The following POLQ variants were observed in gnomAD, a reference collection of about 807,000 sequenced individuals.
The protein encoded by POLQ is epididymis secretory sperm binding protein.
A neutral mutation model predicts 259.2 loss-of-function variants in POLQ; 233 were observed. The ratio of observed to expected loss-of-function variants is 0.90; its 90% CI spans 0.81 to 1.00. The LOEUF (loss-of-function observed/expected upper bound fraction) is 1.00, where lower values mean the gene tolerates loss of function less well. Ranked by LOEUF, POLQ falls within the 50% of genes least tolerant of loss-of-function variation. The pLI is 0.00. For missense variants in POLQ, 2,871 were observed against 3,051.6 expected (o/e 0.94, Z 1.39); for synonymous variants, 1,025 against 1,048.8 (o/e 0.98, Z 0.44).
chr3:121,504,760 T>C (rs1013502802), intron 12 of POLQ, among the ~76,000 whole-genome samples: 1 of 152,218 alleles, frequency 6.6e-6, no homozygotes, highest in African/African-American at 2.4e-5. Context: ...TGTAACCCCA[T>C]TGCATCTTGG....
At chr3:121,521,272 T>A (rs2048334540) in intron 8 of POLQ, among the ~76,000 whole-genome samples, 1 of 152,174 alleles carries the variant, frequency 6.6e-6, no homozygotes. Context: ...CTATATAATG[T>A]GACTATATAG....
intron 26 of POLQ, among the ~76,000 whole-genome samples, chr3:121,442,878 G>A (rs1333621254): frequency 6.6e-6 from 1 of 150,718 alleles, no homozygotes; most frequent in Non-Finnish European, 1.5e-5. Flanking sequence ...TTTTGTTTTT[G>A]AGATGGAGTC....
intron 16 of POLQ, 53 bp from the exon 17 acceptor site, chr3:121,485,237 C>G: frequency 8.1e-7 from 1 of 1,236,156 alleles, no homozygotes; most frequent in Non-Finnish European, 1.1e-6. Context: ...AAAGACATTA[C>G]ATAAATTGTT....
chr3:121,509,799 G>T, intron 11 of POLQ, 96 bp from the exon 12 acceptor site: 1 of 1,260,312 alleles, frequency 7.9e-7, no homozygotes, highest in African/African-American at 1.5e-5. Flanking sequence ...AACCCTCCCG[G>T]CTGATAAATT....
rs147121503 is a variant in POLQ, at chr3:121,485,178, G to A, written c.5636C>T (p.Ser1879Leu). 2,139 of 1,584,550 alleles carry A rather than the reference G, an allele frequency of 1.3e-3. 38 individuals are homozygous for A. The South Asian group carries it at 0.015, about 11-fold the overall frequency. The change falls in exon 17 of 30, where the codon TCA (serine) becomes TTA (leucine). Residue 1879 changes from serine to leucine, a missense_variant. Coordinates refer to ENST00000264233, the MANE Select transcript of POLQ (RefSeq NM_199420.4). The stretch of plus-strand genomic sequence containing the variant: ...ATCTCTAATAGGAATTTCCTGAGGT[G>A]AGCTAGCTAAGTAAAACAAAAGTGA... The part of the protein sequence containing the change: ...TIGSRFKQAS[S>L]PQEIPIRDDG...
At chr3:121,523,128 A>C (rs371905185) in intron 7 of POLQ, among the ~76,000 whole-genome samples, 9 of 149,610 alleles carry the variant, frequency 6.0e-5, no homozygotes, top group African/African-American at 2.0e-4. Context: ...CAATCCTCCT[A>C]CCTCAGTCTC....
At position 121,476,876 on chromosome 3, in the gene POLQ, A is replaced by G. The variant is rs186648447; in HGVS notation, c.6212-143T>C. ...TTCAGGAGCCAGTCTCCCGAGCAGC[A>G]TCCTCAAGCCAACAATGAAAGGTGG... On this transcript the variant is annotated intron_variant, in intron 19 of 29. Transcript: ENST00000264233. 148 of 616,154 alleles carry G rather than the reference A, an allele frequency of 2.4e-4. 3 individuals are homozygous for G. The Admixed American group carries it at 4.5e-3, about 19-fold the overall frequency. 38.2% of individuals were successfully genotyped at this position (616,154 alleles called of 1,614,324 possible). A position where few individuals can be genotyped will look rare whatever the true frequency, so the allele number is the denominator to read the frequency against.
intron 6 of POLQ, among the ~76,000 whole-genome samples, chr3:121,531,743 G>C (rs1190879884): frequency 1.3e-5 from 2 of 152,102 alleles, no homozygotes; most frequent in African/African-American, 4.8e-5. Flanking sequence ...GCACAGACAT[G>C]GTAAAAGAAG....
chr3:121,446,599 T>C (rs2047634562), intron 26 of POLQ, among the ~76,000 whole-genome samples: 2 of 152,180 alleles, frequency 1.3e-5, no homozygotes. Context: ...TTGCTTTATA[T>C]GTCCAGGTGC....
intron 24 of POLQ, among the ~76,000 whole-genome samples, chr3:121,466,215 A>C (rs1444553610): frequency 3.3e-5 from 5 of 151,798 alleles, no homozygotes; most frequent in Non-Finnish European, 7.4e-5. Flanking sequence ...TGTACTATTC[A>C]GTATGTCAAT....
chr3:121,522,046 TAC>T lies in POLQ; in HGVS notation c.1210_1211del (p.Val404IlefsTer19). On this transcript the variant is annotated frameshift_variant, in exon 8 of 30. Transcript: ENST00000264233. LOFTEE classifies it high-confidence loss of function. ...LRRLPSGLDS[V>X]LQKTVPWGVA... ...CTCCCCATGGTACAGTTTTCTGTAATACAGAGTCCAGTCCTGAAGGCAAACGT... is the reference window on the plus strand; with the variant it reads ...CTCCCCATGGTACAGTTTTCTGTAATAGAGTCCAGTCCTGAAGGCAAACGT... The T allele has an allele frequency of 1.2e-6, 2 of 1,604,596 alleles. No homozygotes were observed. Among genetic ancestry groups the T allele is most frequent in the African/African-American group, 1.3e-5 (1 of 74,384 alleles).
At chr3:121,500,062 C>T (rs2048154877) in intron 12 of POLQ, among the ~76,000 whole-genome samples, 1 of 152,120 alleles carries the variant, frequency 6.6e-6, no homozygotes, top group Admixed American at 6.5e-5. Flanking sequence ...GGGAGGACCA[C>T]TTGAGCTCAG....
At chr3:121,507,993 A>G (rs2048222478) in intron 12 of POLQ, among the ~76,000 whole-genome samples, 2 of 147,406 alleles carry the variant, frequency 1.4e-5, no homozygotes, top group African/African-American at 5.0e-5. Flanking sequence ...AGCTGGGATT[A>G]CCGGCATGCA....
Position 121,488,795 on chromosome 3 carries a change from TGTTCAGCA to T in POLQ, c.4128_4135del (p.Glu1378ProfsTer6). On this transcript the variant is annotated frameshift_variant, in exon 16 of 30. Transcript: ENST00000264233. LOFTEE classifies it high-confidence loss of function. ...TATCTTAGTCGCTCCTAGAGGGTGCTGTTCAGCAGGAAAAGGAATGTGACACTCCTTCT... is the reference window on the plus strand; with the variant it reads ...TATCTTAGTCGCTCCTAGAGGGTGCTGGAAAAGGAATGTGACACTCCTTCT... The T allele has an allele frequency of 6.2e-7, 1 of 1,613,978 alleles. No homozygotes were observed. The highest frequency in any genetic ancestry group is 8.5e-7 in the Non-Finnish European group (1 of 1,179,948).
Position 121,537,338 on chromosome 3 carries a change from G to A in POLQ, c.632-130C>T. 7 of 636,152 alleles carry A rather than the reference G, an allele frequency of 1.1e-5. No individual in the cohort carries two copies. The South Asian group carries it at 1.2e-4, about 11-fold the overall frequency. 39.4% of individuals were successfully genotyped at this position (636,152 alleles called of 1,614,324 possible). Reference sequence around the variant, plus strand: ...TTATTTTAGATTTGGGGGTACATGTGAAGGTCTGTTACCTGGGTATATTGT... The same window carrying A: ...TTATTTTAGATTTGGGGGTACATGTAAAGGTCTGTTACCTGGGTATATTGT... On this transcript the variant is annotated intron_variant, in intron 4 of 29. Coordinates refer to ENST00000264233, the MANE Select transcript of POLQ (RefSeq NM_199420.4).
At chr3:121,441,856 G>A (rs192632051) in intron 26 of POLQ, among the ~76,000 whole-genome samples, 3,086 of 152,216 alleles carry the variant, frequency 0.02, 49 homozygotes, top group Middle Eastern at 0.065. Flanking sequence ...AATGAACAAC[G>A]TAAAAGACTG....
rs1164152270 is a variant in POLQ, at chr3:121,485,137, TA to T, written c.5676del (p.Gly1894ValfsTer42). The T allele has an allele frequency of 6.2e-7, 1 of 1,609,756 alleles. No homozygotes were observed. The highest frequency in any genetic ancestry group is 8.5e-7 in the Non-Finnish European group (1 of 1,176,980). On this transcript the variant is annotated frameshift_variant, in exon 17 of 30. Coordinates refer to ENST00000264233, the MANE Select transcript of POLQ (RefSeq NM_199420.4). LOFTEE classifies it high-confidence loss of function. Reference protein sequence around the residue: ...EIPIRDDGFPIKGCDDTLVVG... With the variant: ...EIPIRDDGFPXKGCDDTLVVG... ...ACCACCAAGGTGTCATCACAACCTT[TA>T]ATGGGAAATCCATCATCTCTAATAG...
At chr3:121,518,445 C>T (rs541402492) in intron 9 of POLQ, among the ~76,000 whole-genome samples, 23 of 152,178 alleles carry the variant, frequency 1.5e-4, no homozygotes, top group African/African-American at 5.1e-4. Context: ...CTTGTTCAAC[C>T]ACAGCAGGGA....
intron 1 of POLQ, among the ~76,000 whole-genome samples, chr3:121,545,222 G>A (rs559604592): frequency 2.0e-5 from 3 of 152,280 alleles, no homozygotes; most frequent in Admixed American, 6.5e-5. Context: ...GCTAAGTTAG[G>A]TGAGTTTCTA....
Sources: allele counts gnomAD v4.1 joint callset (sites outside exome capture counted in the v4.1 genomes callset), GRCh38; gene constraint gnomAD v4.1.1; transcripts MANE v1.5; gene names NCBI Gene and HGNC (gene_info 2026-07-23, HGNC 2026-07-21).